The following PXYLP1 variants were observed in gnomAD, a reference collection of about 807,000 sequenced individuals.
PXYLP1 encodes acid phosphatase-like 2.
Under a neutral mutation model 37.9 loss-of-function variants are expected in PXYLP1, and 17 were observed. The ratio of observed to expected loss-of-function variants is 0.45; its 90% CI spans 0.31 to 0.67. The LOEUF (loss-of-function observed/expected upper bound fraction) is 0.67, where lower values mean the gene tolerates loss of function less well. Ranked by LOEUF, PXYLP1 falls within the 30% of genes least tolerant of loss-of-function variation. The probability of loss-of-function intolerance (pLI) is 0.07; values close to 1 mark genes in which losing one functional copy is unlikely to be tolerated. For synonymous variants in PXYLP1, 221 were observed against 232.2 expected, an observed-to-expected ratio of 0.95 and a Z score of 0.44; for missense variants, 511 against 612.0, an observed-to-expected ratio of 0.84 and a Z score of 1.74.
intron 1 of PXYLP1, among the ~76,000 whole-genome samples, chr3:141,251,881 C>G (rs11713257): frequency 0.22 from 33,426 of 152,118 alleles, 5,039 homozygotes; most frequent in African/African-American, 0.43. Flanking sequence ...GTAAGTAGCT[C>G]ACTTGTGGCT....
At chr3:141,291,688 A>G (rs972035542) in intron 5 of PXYLP1, 1 of 154,826 alleles carries the variant, frequency 6.5e-6, no homozygotes, top group Non-Finnish European at 1.4e-5. Context: ...ATGTGTGTTG[A>G]CGAGTCTGTA....
At position 141,248,544 on chromosome 3, in the gene PXYLP1, C is replaced by T. The variant is rs181585879; in HGVS notation, c.-53-11579C>T. Among the ~76,000 whole-genome samples the T allele has an allele frequency of 1.4e-4, 21 of 145,904 alleles. No individual in the cohort carries two copies. The East Asian group carries it at 2.0e-3, about 14-fold the overall frequency. On this transcript the variant is annotated intron_variant, in intron 1 of 5. Transcript: ENST00000286353. The stretch of plus-strand genomic sequence containing the variant: ...ACACACACGTATATATATACACACA[C>T]GTATATATACACACGTGTATATATA...
intron 2 of PXYLP1, chr3:141,274,660 G>T: frequency 1.4e-6 from 1 of 719,838 alleles, no homozygotes; most frequent in Non-Finnish European, 2.5e-6. Flanking sequence ...CAGTCAGCGG[G>T]GGATATAAAT....
At chr3:141,271,313 G>A (rs113129552) in intron 2 of PXYLP1, among the ~76,000 whole-genome samples, 160 of 152,264 alleles carry the variant, frequency 1.1e-3, no homozygotes, top group African/African-American at 3.6e-3. Context: ...CTACCTCCCT[G>A]CATTCAGAAC....
chr3:141,272,323 C>T (rs558455528), intron 2 of PXYLP1, among the ~76,000 whole-genome samples: 1 of 152,288 alleles, frequency 6.6e-6, no homozygotes, highest in African/African-American at 2.4e-5. Context: ...TGTGGCCTAG[C>T]AACCTGTGCT....
chr3:141,258,547 G>A (rs1368341648), intron 1 of PXYLP1: 2 of 153,172 alleles, frequency 1.3e-5, no homozygotes, highest in East Asian at 1.9e-4. Context: ...TTCAAGAAGT[G>A]TGCCTCTCCA....
intron 1 of PXYLP1, among the ~76,000 whole-genome samples, chr3:141,243,619 C>T (rs1371969616): frequency 6.6e-6 from 1 of 152,258 alleles, no homozygotes; most frequent in Non-Finnish European, 1.5e-5. Flanking sequence ...GCTGATCATC[C>T]CAGCACAGTC....
chr3:141,277,259 T>C (rs1941818369), intron 2 of PXYLP1, among the ~76,000 whole-genome samples: 1 of 152,248 alleles, frequency 6.6e-6, no homozygotes, highest in African/African-American at 2.4e-5. Context: ...TAGCTATTGT[T>C]CGTGCGCATG....
In PXYLP1 at chr3:141,260,244, C is replaced by T. The variant is rs750548711; in HGVS notation, c.69C>T (p.Ser23=). The T allele has an allele frequency of 3.7e-6, 6 of 1,613,080 alleles. No individual in the cohort carries two copies. The South Asian group carries it at 6.6e-5, about 18-fold the overall frequency. Residue 23 remains serine, a synonymous_variant, in exon 2 of 6, where the codon AGC becomes AGT. Transcript: ENST00000286353. Reference sequence around the variant, plus strand: ...CGCTGCTGGCCTTTGTGAGCCTCAGCCTGCAGTTCTGTGAGTAGAGCCGGG... The same window carrying T: ...CGCTGCTGGCCTTTGTGAGCCTCAGTCTGCAGTTCTGTGAGTAGAGCCGGG... The part of the protein sequence containing the change: ...LAALLAFVSL[S]LQFFHLIPVS...
At chr3:141,273,380 C>T in intron 2 of PXYLP1, 3 of 985,442 alleles carry the variant, frequency 3.0e-6, no homozygotes, top group Non-Finnish European at 2.4e-6. Context: ...GGTTACTCTT[C>T]CTAGGTTGAG....
Position 141,260,192 on chromosome 3 carries a change from G to T in PXYLP1, c.17G>T (p.Arg6Leu), listed in dbSNP as rs141760656. 1 of 1,613,780 alleles carries T rather than the reference G, an allele frequency of 6.2e-7. No homozygotes were observed. Among genetic ancestry groups the T allele is most frequent in the South Asian group, 1.1e-5 (1 of 91,092 alleles). MLFRN[R>L]FLLLLALAAL... Reference sequence around the variant, plus strand: ...TACTTAATAATGCTTTTCCGCAACCGCTTCTTGCTGCTGCTGGCCCTGGCT... The same window carrying T: ...TACTTAATAATGCTTTTCCGCAACCTCTTCTTGCTGCTGCTGGCCCTGGCT... Residue 6 changes from arginine (R) to leucine (L), a missense_variant, in exon 2 of 6, where the codon CGC becomes CTC. Coordinates refer to ENST00000286353, the MANE Select transcript of PXYLP1 (RefSeq NM_001037172.3).
chr3:141,271,414 T>TG (rs1179793925), intron 2 of PXYLP1, among the ~76,000 whole-genome samples: 1 of 152,148 alleles, frequency 6.6e-6, no homozygotes, highest in Non-Finnish European at 1.5e-5. Context: ...AGCCCAGTGT[T>TG]GAAGTCCCAA....
At chr3:141,274,428 C>T (rs1941741767) in intron 2 of PXYLP1, 2 of 1,473,158 alleles carry the variant, frequency 1.4e-6, no homozygotes, top group East Asian at 5.0e-5. Flanking sequence ...CACGGCCTCC[C>T]CTCTGCTCCT....
chr3:141,279,008 A>G (rs966576821), intron 3 of PXYLP1, among the ~76,000 whole-genome samples: 5 of 152,248 alleles, frequency 3.3e-5, no homozygotes, highest in African/African-American at 7.2e-5. Flanking sequence ...CTCTGGTCTC[A>G]TGAAAGATTT....
intron 1 of PXYLP1, among the ~76,000 whole-genome samples, chr3:141,254,534 G>C (rs1399237259): frequency 6.6e-6 from 1 of 152,190 alleles, no homozygotes; most frequent in African/African-American, 2.4e-5. Context: ...GGGGTTTCCA[G>C]GAGGCTCTGG....
chr3:141,240,991 G>A (rs916756707), intron 1 of PXYLP1, among the ~76,000 whole-genome samples: 6 of 152,096 alleles, frequency 3.9e-5, no homozygotes, highest in Non-Finnish European at 7.4e-5. Flanking sequence ...GTCCCCCAAG[G>A]CCAGAGGAAC....
intron 1 of PXYLP1, among the ~76,000 whole-genome samples, chr3:141,238,240 C>T (rs184892348): frequency 3.9e-5 from 6 of 152,326 alleles, no homozygotes; most frequent in South Asian, 2.1e-4. Context: ...ACTATGTTGA[C>T]GGGCATGGGT....
At chr3:141,280,412 C>G (rs1941922396) in intron 4 of PXYLP1, among the ~76,000 whole-genome samples, 1 of 152,208 alleles carries the variant, frequency 6.6e-6, no homozygotes, top group South Asian at 2.1e-4. Context: ...ATTTTTGGCG[C>G]TCCCATTTGA....
At chr3:141,278,165 A>G (rs950762429) in intron 2 of PXYLP1, among the ~76,000 whole-genome samples, 177 bp from the exon 3 acceptor site, 1 of 152,168 alleles carries the variant, frequency 6.6e-6, no homozygotes, top group Non-Finnish European at 1.5e-5. Flanking sequence ...GGGGCAGGAC[A>G]CAGTGGGGCT....
Sources: allele counts gnomAD v4.1 joint callset (sites outside exome capture counted in the v4.1 genomes callset), GRCh38; gene constraint gnomAD v4.1.1; transcripts MANE v1.5; gene names NCBI Gene and HGNC (gene_info 2026-07-23, HGNC 2026-07-21).